FAM83B: variants seen among roughly 807,000 people sequenced by gnomAD.
FAM83B encodes protein FAM83B.
Under a neutral mutation model 38.8 loss-of-function variants are expected in FAM83B, and 26 were observed. The ratio of observed to expected loss-of-function variants is 0.67; its 90% CI spans 0.49 to 0.93. The LOEUF (loss-of-function observed/expected upper bound fraction) is 0.93. FAM83B is among the 40% of genes least tolerant of loss of function. FAM83B has a pLI of 0.00. For missense variants in FAM83B, 1,237 were observed against 1,197.3 expected, an observed-to-expected ratio of 1.03 and a Z score of -0.49; for synonymous variants, 419 against 423.1, an observed-to-expected ratio of 0.99 and a Z score of 0.12.
At position 54,926,433 on chromosome 6, in the gene FAM83B, A is replaced by C; in HGVS notation, c.507A>C (p.Ala169=). Residue 169 remains alanine, a synonymous_variant, in exon 3 of 5, where the codon GCA becomes GCC. Coordinates refer to ENST00000306858, the MANE Select transcript of FAM83B (RefSeq NM_001010872.3). ...DVDIFKEIVE[A]STRGVSVYIL... ...ACATTTTCAAAGAAATCGTTGAGGC[A>C]TCAACTCGAGGAGTATCTGTTTACA... The C allele has an allele frequency of 1.2e-6, 2 of 1,609,692 alleles. No homozygotes were observed. Among genetic ancestry groups the C allele is most frequent in the Non-Finnish European group, 1.7e-6 (2 of 1,176,902 alleles).
chr6:54,851,013 T>C (rs1771260897), intron 1 of FAM83B, among the ~76,000 whole-genome samples: 1 of 35,286 alleles, frequency 2.8e-5, no homozygotes, highest in African/African-American at 1.3e-4. Context: ...GTGAGACTCA[T>C]CTCAAAAAAA....
intron 2 of FAM83B, among the ~76,000 whole-genome samples, chr6:54,887,662 G>C (rs1367602027): frequency 1.3e-5 from 2 of 151,776 alleles, no homozygotes; most frequent in Non-Finnish European, 2.9e-5. Flanking sequence ...TTTTGAAACA[G>C]TTCCCTTTAT....
chr6:54,926,547 G>A lies in FAM83B; in HGVS notation c.609+12G>A. The A allele has an allele frequency of 2.2e-6, 3 of 1,370,684 alleles. No homozygotes were observed. Among genetic ancestry groups the A allele is most frequent in the Non-Finnish European group, 2.9e-6 (3 of 1,029,138 alleles). The allele number at this position is 1,370,684 out of a possible 1,614,324, so 84.9% of individuals were successfully genotyped here. ...TTCAGCGTCTCAGGGTAAGAATTCT[G>A]TTTTTTTTTTCCTCAAGTATTTTAT... On this transcript the variant is annotated intron_variant, in intron 3 of 4. Transcript: ENST00000306858.
Position 54,915,443 on chromosome 6 carries a change from C to T in FAM83B, c.445-10928C>T, listed in dbSNP as rs1055952180. On this transcript the variant is annotated intron_variant, in intron 2 of 4. Transcript: ENST00000306858. ...CCTCCAACCCTTTTATTCCTGCTTT[C>T]GCCATCCACGTTGGCATCTCATGCT... Among the ~76,000 whole-genome samples, 11 of 152,244 alleles carry T rather than the reference C, an allele frequency of 7.2e-5. 1 individual carries two copies. The highest frequency in any genetic ancestry group is 5.2e-4 in the Admixed American group (8 of 15,294).
intron 2 of FAM83B, among the ~76,000 whole-genome samples, chr6:54,907,836 A>G (rs922177787): frequency 2.6e-5 from 4 of 152,150 alleles, no homozygotes; most frequent in African/African-American, 9.7e-5. Context: ...CATTTTTTAT[A>G]TTGGCTTGGG....
At chr6:54,872,137 C>T (rs1771871916) in intron 2 of FAM83B, among the ~76,000 whole-genome samples, 1 of 152,066 alleles carries the variant, frequency 6.6e-6, no homozygotes, top group African/African-American at 2.4e-5. Context: ...TGTATTAATT[C>T]CTTTAACAGT....
chr6:54,900,712 C>T (rs1445344832), intron 2 of FAM83B, among the ~76,000 whole-genome samples: 3 of 152,098 alleles, frequency 2.0e-5, no homozygotes, highest in Non-Finnish European at 4.4e-5. Context: ...AGTGCTTGAC[C>T]TAGGAGGGCT....
intron 2 of FAM83B, among the ~76,000 whole-genome samples, chr6:54,893,041 C>T (rs1772442220): frequency 6.6e-6 from 1 of 152,072 alleles, no homozygotes; most frequent in Admixed American, 6.6e-5. Context: ...CCACCAACAA[C>T]TGTGTGAGTA....
intron 2 of FAM83B, among the ~76,000 whole-genome samples, chr6:54,916,165 A>G (rs1366382437): frequency 3.9e-5 from 6 of 152,104 alleles, no homozygotes; most frequent in East Asian, 1.9e-4. Context: ...CTCTTCATGC[A>G]CTATTCATGC....
chr6:54,874,015 A>G (rs1221624665), intron 2 of FAM83B, among the ~76,000 whole-genome samples: 1 of 152,112 alleles, frequency 6.6e-6, no homozygotes, highest in Non-Finnish European at 1.5e-5. Context: ...AAAGGAATTA[A>G]AAATGATTCT....
chr6:54,883,655 A>C (rs1772195892), intron 2 of FAM83B, among the ~76,000 whole-genome samples: 1 of 151,044 alleles, frequency 6.6e-6, no homozygotes, highest in African/African-American at 2.4e-5. Flanking sequence ...AAACTAGGTT[A>C]TTTTTCTTTT....
chr6:54,908,915 C>A (rs1772841233), intron 2 of FAM83B, among the ~76,000 whole-genome samples: 1 of 152,154 alleles, frequency 6.6e-6, no homozygotes, highest in Non-Finnish European at 1.5e-5. Flanking sequence ...GAGTACTGAT[C>A]TAGAAGAAAA....
rs1333216719 is a variant in FAM83B, at chr6:54,942,652, A to G, written c.*645A>G. Among the ~76,000 whole-genome samples, 1 of 151,624 alleles carries G rather than the reference A, an allele frequency of 6.6e-6. No individual in the cohort carries two copies. Among genetic ancestry groups the G allele is most frequent in the East Asian group, 1.9e-4 (1 of 5,150 alleles). ...AGGAATTTATTTTCCTCAGCCTTTG[A>G]AAACGGTCTGGGATGTGCTTCTTTC... On this transcript the variant is annotated 3_prime_UTR_variant, in exon 5 of 5. Transcript: ENST00000306858.
chr6:54,915,029 T>C (rs1269191178), intron 2 of FAM83B, among the ~76,000 whole-genome samples: 1 of 152,146 alleles, frequency 6.6e-6, no homozygotes, highest in African/African-American at 2.4e-5. Flanking sequence ...TGATATCTTC[T>C]ATCATCAAGC....
rs1275596562 is a variant in FAM83B at position 54,945,064 on chromosome 6, A to G, written c.*3057A>G. The G allele has an allele frequency of 6.6e-6, 1 of 152,174 alleles. No individual in the cohort carries two copies. The allele number at this position is 152,174 out of a possible 1,614,324, so 9.4% of individuals were successfully genotyped here. A position where few individuals can be genotyped will look rare whatever the true frequency, so the allele number is the denominator to read the frequency against. ...CAAATGAACTTTTGTTTTTAGATCAATAAATGAATAATAAATAATTTTGTA... is the reference window on the plus strand; with the variant it reads ...CAAATGAACTTTTGTTTTTAGATCAGTAAATGAATAATAAATAATTTTGTA... On this transcript the variant is annotated 3_prime_UTR_variant, in exon 5 of 5. Coordinates refer to ENST00000306858, the MANE Select transcript of FAM83B (RefSeq NM_001010872.3).
chr6:54,852,980 T>G (rs1276646634), intron 1 of FAM83B, among the ~76,000 whole-genome samples: 3 of 152,136 alleles, frequency 2.0e-5, no homozygotes, highest in Non-Finnish European at 4.4e-5. Context: ...TTGTTGTTAG[T>G]GTATTTTATG....
chr6:54,942,730 T>TTTTTTTTTTTTTTTTTTTTTTTGAG lies in FAM83B; in HGVS notation c.*723_*724insTTTTTTTTTTTTTTTTTTTTTTGAG, dbSNP rs1561934810. On this transcript the variant is annotated 3_prime_UTR_variant, in exon 5 of 5. Coordinates refer to ENST00000306858, the MANE Select transcript of FAM83B (RefSeq NM_001010872.3). ...TCTTACCCATAGGCTGCTGATTTTT[T>TTTTTTTTTTTTTTTTTTTTTTTGAG]ATAGTCATTCCTTACTTCACATTTA... 1.3e-5 allele frequency among the ~76,000 whole-genome samples: 2 copies of TTTTTTTTTTTTTTTTTTTTTTTGAG among 151,864 alleles called. No homozygotes were observed. The highest frequency in any genetic ancestry group is 4.9e-5 in the African/African-American group (2 of 41,190).
At chr6:54,925,148 G>A (rs550575141) in intron 2 of FAM83B, among the ~76,000 whole-genome samples, 1 of 152,164 alleles carries the variant, frequency 6.6e-6, no homozygotes, top group African/African-American at 2.4e-5. Flanking sequence ...TATCAATGTG[G>A]ATAATGTCAT....
chr6:54,940,758 C>G lies in FAM83B; in HGVS notation c.1787C>G (p.Pro596Arg), dbSNP rs1186168623. 6.2e-7 allele frequency: 1 copy of G among 1,613,968 alleles called. No homozygotes were observed. The highest frequency in any genetic ancestry group is 1.1e-5 in the South Asian group (1 of 91,076). Residue 596 changes from proline to arginine, a missense_variant, in exon 5 of 5, where the codon CCA becomes CGA. Coordinates refer to ENST00000306858, the MANE Select transcript of FAM83B (RefSeq NM_001010872.3). ...CAGCATTTGACAGACAAACCCTTGC[C>G]AGAATCAATCCCCAAGCTCCCATTG... ...NVQHLTDKPL[P>R]ESIPKLPLQS...
Sources: gnomAD v4.1 joint callset for allele counts (sites outside exome capture counted in the v4.1 genomes callset) on GRCh38, gnomAD v4.1.1 for gene constraint, MANE v1.5 for transcripts, NCBI Gene and HGNC (gene_info 2026-07-23, HGNC 2026-07-21) for gene names.